CCDC148: variants seen among roughly 807,000 people sequenced by gnomAD.
The protein encoded by CCDC148 is coiled-coil domain containing 148, also known as coiled-coil domain-containing protein 148.
A neutral mutation model predicts 85.7 loss-of-function variants in CCDC148; 89 were observed. The ratio of observed to expected loss-of-function variants is 1.04; its 90% CI spans 0.87 to 1.24. The LOEUF is 1.24. CCDC148 is among the 50% of genes most tolerant of loss of function. The pLI is 0.00. For synonymous variants in CCDC148, 230 were observed against 213.9 expected (o/e 1.08, Z -0.66); for missense variants, 692 against 671.7 (o/e 1.03, Z -0.33).
At chr2:158,249,959 C>T (rs1423264956) in intron 10 of CCDC148, among the ~76,000 whole-genome samples, 2 of 152,060 alleles carry the variant, frequency 1.3e-5, no homozygotes, top group Non-Finnish European at 2.9e-5. Flanking sequence ...AGGTTAAAGA[C>T]ATTTCCTTTT....
chr2:158,284,650 A>T (rs1347665720), intron 9 of CCDC148, among the ~76,000 whole-genome samples: 1 of 152,224 alleles, frequency 6.6e-6, no homozygotes, highest in Non-Finnish European at 1.5e-5. Flanking sequence ...TGGACTTTTA[A>T]TGCTTTCAGG....
intron 1 of CCDC148, among the ~76,000 whole-genome samples, chr2:158,436,402 G>T (rs1308795302): frequency 2.6e-5 from 4 of 152,150 alleles, no homozygotes; most frequent in Non-Finnish European, 4.4e-5. Flanking sequence ...AAATAAGGCA[G>T]AAATAAAGAT....
At chr2:158,396,162 C>G (rs1486452322) in intron 1 of CCDC148, among the ~76,000 whole-genome samples, 1 of 152,082 alleles carries the variant, frequency 6.6e-6, no homozygotes, top group Non-Finnish European at 1.5e-5. Flanking sequence ...TATTTTAACC[C>G]TCACAGTGTT....
At chr2:158,231,882 G>T (rs2030487) in intron 10 of CCDC148, among the ~76,000 whole-genome samples, 78,764 of 151,876 alleles carry the variant, frequency 0.52, 20,903 homozygotes, top group East Asian at 0.77. Flanking sequence ...TCCATTCACT[G>T]TTCATCCATT....
At chr2:158,437,260 A>C (rs1687702936) in intron 1 of CCDC148, among the ~76,000 whole-genome samples, 1 of 152,252 alleles carries the variant, frequency 6.6e-6, no homozygotes, top group African/African-American at 2.4e-5. Context: ...CCAGCAGCAC[A>C]TCAAAAAGCT....
intron 2 of CCDC148, among the ~76,000 whole-genome samples, chr2:158,353,963 G>C (rs915835502): frequency 1.3e-5 from 2 of 152,144 alleles, no homozygotes; most frequent in African/African-American, 4.8e-5. Context: ...TGAACAACCT[G>C]CTCCTGAATG....
At chr2:158,389,315 G>A (rs10187528) in intron 1 of CCDC148, among the ~76,000 whole-genome samples, 140,740 of 152,204 alleles carry the variant, frequency 0.92, 65,114 homozygotes, top group East Asian at 0.98. Context: ...TTTTAACCAG[G>A]ACTCCTTTCA....
intron 1 of CCDC148, among the ~76,000 whole-genome samples, chr2:158,438,052 A>T (rs1451158233): frequency 6.6e-6 from 1 of 152,202 alleles, no homozygotes; most frequent in Admixed American, 6.5e-5. Context: ...ATATTGCCCA[A>T]GGTAATTTAT....
intron 1 of CCDC148, among the ~76,000 whole-genome samples, chr2:158,410,894 G>T (rs1229512117): frequency 1.3e-5 from 2 of 151,990 alleles, no homozygotes; most frequent in Non-Finnish European, 2.9e-5. Context: ...AAAATCTAGT[G>T]GTGACAAACC....
chr2:158,439,953 T>C (rs566501969), intron 1 of CCDC148, among the ~76,000 whole-genome samples: 2 of 152,220 alleles, frequency 1.3e-5, no homozygotes, highest in African/African-American at 2.4e-5. Flanking sequence ...CTCCACCTCC[T>C]GGGATGAAGC....
intron 1 of CCDC148, among the ~76,000 whole-genome samples, chr2:158,442,680 T>G (rs900144600): frequency 6.6e-6 from 1 of 152,242 alleles, no homozygotes; most frequent in African/African-American, 2.4e-5. Context: ...ATTCCACTCA[T>G]GCAGTGTTGT....
At chr2:158,225,672 C>T (rs1687473280) in intron 10 of CCDC148, among the ~76,000 whole-genome samples, 1 of 152,244 alleles carries the variant, frequency 6.6e-6, no homozygotes, top group South Asian at 2.1e-4. Context: ...TGCTCAACTA[C>T]ATGGAAACTG....
chr2:158,341,604 C>T (rs982471185), intron 3 of CCDC148, among the ~76,000 whole-genome samples: 18 of 149,766 alleles, frequency 1.2e-4, no homozygotes, highest in East Asian at 4.0e-4. Context: ...TGTGAGTCAC[C>T]ACACCTGGCC....
intron 1 of CCDC148, among the ~76,000 whole-genome samples, chr2:158,404,504 C>T (rs1559123343): frequency 6.6e-6 from 1 of 152,080 alleles, no homozygotes; most frequent in Non-Finnish European, 1.5e-5. Context: ...TCACAAACTC[C>T]TCTTCAGCAT....
At position 158,171,744 on chromosome 2, in the gene CCDC148, A is replaced by C. The variant is rs2105253582; in HGVS notation, c.*369T>G. The C allele has an allele frequency of 6.5e-6, 1 of 153,878 alleles. No individual in the cohort carries two copies. Among genetic ancestry groups the C allele is most frequent in the South Asian group, 2.1e-4 (1 of 4,870 alleles). 9.5% of individuals were successfully genotyped at this position (153,878 alleles called of 1,614,324 possible). On this transcript the variant is annotated 3_prime_UTR_variant, in exon 14 of 14. Transcript: ENST00000283233. ...TTAAAAAGTCAAATTCTGAAATAAC[A>C]AGCAGAAATGAACATTAGCAGGTAG...
chr2:158,438,796 C>T (rs1481186578), intron 1 of CCDC148, among the ~76,000 whole-genome samples: 1 of 152,108 alleles, frequency 6.6e-6, no homozygotes, highest in Non-Finnish European at 1.5e-5. Flanking sequence ...ACGAACAACC[C>T]CATCAAAAAG....
At chr2:158,313,105 T>C (rs1301384546) in intron 8 of CCDC148, among the ~76,000 whole-genome samples, 2 of 152,250 alleles carry the variant, frequency 1.3e-5, no homozygotes, top group Non-Finnish European at 2.9e-5. Flanking sequence ...GGTGAGTTAT[T>C]GTGAAATTAA....
chr2:158,266,124 A>G (rs1689440862), intron 9 of CCDC148, among the ~76,000 whole-genome samples: 1 of 152,160 alleles, frequency 6.6e-6, no homozygotes. Context: ...GTCTGATCAC[A>G]TGATTCCCAT....
intron 11 of CCDC148, among the ~76,000 whole-genome samples, chr2:158,216,219 A>G (rs576365983): frequency 1.6e-4 from 24 of 152,206 alleles, no homozygotes; most frequent in African/African-American, 5.8e-4. Context: ...AGAAGAGACT[A>G]CATGAGGGTA....
Sources: gnomAD v4.1 joint callset for allele counts (sites outside exome capture counted in the v4.1 genomes callset) on GRCh38, gnomAD v4.1.1 for gene constraint, MANE v1.5 for transcripts, NCBI Gene and HGNC (gene_info 2026-07-23, HGNC 2026-07-21) for gene names.